The following POLR2I variants were observed in gnomAD, a reference collection of about 807,000 sequenced individuals.
POLR2I encodes DNA-directed RNA polymerase II subunit RPB9.
POLR2I carries 15 observed loss-of-function variants against 23.0 expected under a neutral mutation model. The observed-to-expected ratio is 0.65, with a 90% CI of 0.44 to 1.00. POLR2I has a LOEUF of 1.00. Among genes scored for constraint, POLR2I ranks in the 50% least tolerant of loss-of-function variants. The probability of loss-of-function intolerance (pLI) is 0.00; values close to 1 mark genes in which losing one functional copy is unlikely to be tolerated. For missense variants in POLR2I, 120 were observed against 173.7 expected (o/e 0.69, Z 1.74); for synonymous variants, 72 against 65.4 (o/e 1.10, Z -0.49).
In POLR2I at chr19:36,114,545, G is replaced by T; in HGVS notation, c.114+114C>A. The T allele has an allele frequency of 7.6e-7, 1 of 1,311,944 alleles. No individual in the cohort carries two copies. Among genetic ancestry groups the T allele is most frequent in the Non-Finnish European group, 1.1e-6 (1 of 916,654 alleles). 81.3% of individuals were successfully genotyped at this position (1,311,944 alleles called of 1,614,324 possible). The stretch of plus-strand genomic sequence containing the variant: ...GGGGATGGGCAGGACATGAGAGTCA[G>T]GATCACTTGAGGTGCAGCGGAGGGC... On this transcript the variant is annotated intron_variant, in intron 2 of 5. Coordinates refer to ENST00000221859, the MANE Select transcript of POLR2I (RefSeq NM_006233.5). This position sits in a 1 kb window ranked among gnomAD's most constrained non-coding sequence, Gnocchi z 4.5.
In POLR2I at chr19:36,113,992, TAGAA is replaced by T. The variant is rs1247656822; in HGVS notation, c.315+19_315+22del. 1.9e-6 allele frequency: 3 copies of T among 1,612,006 alleles called. No homozygotes were observed. The highest frequency in any genetic ancestry group is 4.5e-5 in the East Asian group (2 of 44,778). On this transcript the variant is annotated intron_variant, in intron 5 of 5. Transcript: ENST00000221859. ...AAGGACCAAACAAGCCCCAGATACTTAGAAAGCCCTCGCGCCACTTACCTCGGCC... is the reference window on the plus strand; with the variant it reads ...AAGGACCAAACAAGCCCCAGATACTTAGCCCTCGCGCCACTTACCTCGGCC...
At position 36,114,752 on chromosome 19, in the gene POLR2I, C is replaced by A. The variant is rs760368927; in HGVS notation, c.60-39G>T. Reference sequence around the variant, plus strand: ...GAGGTGCCAGGGGTTAGTTCTGGAGCCATTCCTCGCCCGCCTTCTAACATC... The same window carrying A: ...GAGGTGCCAGGGGTTAGTTCTGGAGACATTCCTCGCCCGCCTTCTAACATC... On this transcript the variant is annotated intron_variant, in intron 1 of 5. Coordinates refer to ENST00000221859, the MANE Select transcript of POLR2I (RefSeq NM_006233.5). The surrounding 1 kb of genome is among the most constrained non-coding windows in gnomAD (Gnocchi z 4.5). 6.2e-7 allele frequency: 1 copy of A among 1,613,740 alleles called. No individual in the cohort carries two copies. Among genetic ancestry groups the A allele is most frequent in the African/African-American group, 1.3e-5 (1 of 75,064 alleles).
In POLR2I at chr19:36,114,194, C is replaced by G; in HGVS notation, c.246G>C (p.Glu82Asp). The part of the protein sequence containing the change: ...VSQDPTLPRT[E>D]DHPCQKCGHK... ...ACGCTCACTTTTGGCACGGGTGGTC[C>G]TCGGTCCGCGGCAACGTGGGGTCCT... Residue 82 changes from glutamate (E) to aspartate (D), a missense_variant, in exon 4 of 6, where the codon GAG (glutamate) becomes GAC (aspartate). By Grantham distance (45) the Glu-to-Asp change is conservative. Coordinates refer to ENST00000221859, the MANE Select transcript of POLR2I (RefSeq NM_006233.5). This position sits in a 1 kb window ranked among gnomAD's most constrained non-coding sequence, Gnocchi z 4.5. The G allele has an allele frequency of 6.2e-7, 1 of 1,614,098 alleles. No homozygotes were observed. The highest frequency in any genetic ancestry group is 2.2e-5 in the East Asian group (1 of 44,868).
chr19:36,113,872 CA>C (rs1227795490), intron 5 of POLR2I, 55 bp from the exon 6 acceptor site: 46 of 1,601,020 alleles, frequency 2.9e-5, no homozygotes, highest in Non-Finnish European at 4.3e-6. Context: ...CGCCTTACCC[CA>C]AAAGAACAGG....
intron 5 of POLR2I, 89 bp from the exon 6 acceptor site, chr19:36,113,906 A>G (rs1973890648): frequency 1.3e-6 from 2 of 1,577,682 alleles, no homozygotes; most frequent in Non-Finnish European, 1.7e-6. Flanking sequence ...ACCAATAGGT[A>G]AGGGCCCGGC....
At position 36,113,938 on chromosome 19, in the gene POLR2I, T is replaced by A. The variant is rs1030880649; in HGVS notation, c.315+77A>T. The A allele has an allele frequency of 2.7e-5, 42 of 1,577,464 alleles. No homozygotes were observed. The African/African-American group carries it at 3.6e-4, about 14-fold the overall frequency. ...CGGCAGAGTTCCAAGAAGCGCAGGG[T>A]CACCCACATTGATATCCCCGCCCCC... On this transcript the variant is annotated intron_variant, in intron 5 of 5. Transcript: ENST00000221859.
rs1255206100 is a variant in POLR2I, at chr19:36,114,419, G to A, written c.115-7C>T. 1 of 1,613,304 alleles carries A rather than the reference G, an allele frequency of 6.2e-7. No homozygotes were observed. The highest frequency in any genetic ancestry group is 1.3e-5 in the African/African-American group (1 of 74,930). On this transcript the variant is annotated splice_polypyrimidine_tract_variant and splice_region_variant and intron_variant, in intron 2 of 5. Coordinates refer to ENST00000221859, the MANE Select transcript of POLR2I (RefSeq NM_006233.5). The surrounding 1 kb of genome is among the most constrained non-coding windows in gnomAD (Gnocchi z 4.5). ...GGTAATCACAGTTCCGGCACTACGAGAGGGCGAGTGTGGGGGAAAGGGGGT... is the reference window on the plus strand; with the variant it reads ...GGTAATCACAGTTCCGGCACTACGAAAGGGCGAGTGTGGGGGAAAGGGGGT...
Position 36,114,680 on chromosome 19 carries a change from C to T in POLR2I, c.93G>A (p.Glu31=), listed in dbSNP as rs2231567. 3.3e-3 allele frequency: 5,299 copies of T among 1,610,708 alleles called. 161 individuals are homozygous for T. The African/African-American group carries it at 0.064, about 19-fold the overall frequency. Residue 31 remains glutamate, a synonymous_variant, in exon 2 of 6, where the codon GAG becomes GAA. Transcript: ENST00000221859. The surrounding 1 kb of genome is among the most constrained non-coding windows in gnomAD (Gnocchi z 4.5). ...TCACCGCGTAGAGCAGAATGCGGTTCTCCTTGTCTTCCTTGGGGTACAGCA... is the reference window on the plus strand; with the variant it reads ...TCACCGCGTAGAGCAGAATGCGGTTTTCCTTGTCTTCCTTGGGGTACAGCA... ...NNMLYPKEDK[E]NRILLYACRN...
intron 5 of POLR2I, 69 bp downstream of exon 5, chr19:36,113,946 A>AT: frequency 6.3e-7 from 1 of 1,588,638 alleles, no homozygotes; most frequent in South Asian, 1.1e-5. Flanking sequence ...GGTCACCCAC[A>AT]TTGATATCCC....
chr19:36,114,851 C>T lies in POLR2I; in HGVS notation c.6G>A (p.Glu2=). 1.9e-6 allele frequency: 3 copies of T among 1,613,716 alleles called. No homozygotes were observed. The highest frequency in any genetic ancestry group is 2.5e-6 in the Non-Finnish European group (3 of 1,180,000). The change falls in exon 1 of 6, where the codon GAG becomes GAA. Residue 2 remains glutamate, a synonymous_variant. Transcript: ENST00000221859. The surrounding 1 kb of genome is among the most constrained non-coding windows in gnomAD (Gnocchi z 4.5). The part of the protein sequence containing the change: M[E]PDGTYEPGFV... ...AGCCCGGCTCGTAAGTCCCGTCGGGCTCCATGGCGACGCGCAGCCCGCGCA... is the reference window on the plus strand; with the variant it reads ...AGCCCGGCTCGTAAGTCCCGTCGGGTTCCATGGCGACGCGCAGCCCGCGCA...
At position 36,114,344 on chromosome 19, in the gene POLR2I, T is replaced by C. The variant is rs1367486100; in HGVS notation, c.183A>G (p.Glu61=). Residue 61 remains glutamate, a synonymous_variant, in exon 3 of 6, where the codon GAA becomes GAG. Transcript: ENST00000221859. This position sits in a 1 kb window ranked among gnomAD's most constrained non-coding sequence, Gnocchi z 4.5. ...GCTCAGGGCCCGCCACTCACTCCACTTCGTGCGTGATCTTGTTGACATAGA... is the reference window on the plus strand; with the variant it reads ...GCTCAGGGCCCGCCACTCACTCCACCTCGTGCGTGATCTTGTTGACATAGA... ...SCIYVNKITH[E]VDELTQIIAD... 1.2e-6 allele frequency: 2 copies of C among 1,613,994 alleles called. No homozygotes were observed. The highest frequency in any genetic ancestry group is 1.7e-6 in the Non-Finnish European group (2 of 1,179,924).
rs1424960637 is a variant in POLR2I at position 36,114,292 on chromosome 19, C to A, written c.189-41G>T. The A allele has an allele frequency of 6.2e-7, 1 of 1,612,908 alleles. No homozygotes were observed. Among genetic ancestry groups the A allele is most frequent in the Non-Finnish European group, 8.5e-7 (1 of 1,179,334 alleles). On this transcript the variant is annotated intron_variant, in intron 3 of 5. Transcript: ENST00000221859. This position sits in a 1 kb window ranked among gnomAD's most constrained non-coding sequence, Gnocchi z 4.5. ...GGTGCAAAATTACGCTCAGACCCAG[C>A]CTCCAGAGCCAACACCCCCGCCCCC...
In POLR2I at chr19:36,114,216, T is replaced by C; in HGVS notation, c.224A>G (p.Asp75Gly). 6.2e-7 allele frequency: 1 copy of C among 1,613,696 alleles called. No homozygotes were observed. Among genetic ancestry groups the C allele is most frequent in the Non-Finnish European group, 8.5e-7 (1 of 1,179,944 alleles). The change falls in exon 4 of 6, where the codon GAC (aspartate) becomes GGC (glycine). Residue 75 changes from aspartate to glycine, a missense_variant. By Grantham distance (94) the Asp-to-Gly change is moderately conservative. Transcript: ENST00000221859. This position sits in a 1 kb window ranked among gnomAD's most constrained non-coding sequence, Gnocchi z 4.5. ...LTQIIADVSQ[D>G]PTLPRTEDHP... is the part of the protein sequence containing the mutation. ...GTCCTCGGTCCGCGGCAACGTGGGG[T>C]CCTGGGACACGTCGGCGATAATCTG...
chr19:36,114,807 C>A lies in POLR2I; in HGVS notation c.50G>T (p.Cys17Phe), dbSNP rs1973913376. ...YEPGFVGIRFCQECNNMLYPK... is the reference protein window; with the variant it reads ...YEPGFVGIRFFQECNNMLYPK... ...GCTCCCTCCGCCTCACCATTCCTGG[C>A]AGAAGCGAATACCCACGAAGCCCGG... The change falls in exon 1 of 6, where the codon TGC (cysteine) becomes TTC (phenylalanine). Residue 17 changes from cysteine (C) to phenylalanine (F), a missense_variant. Physicochemically the swap from Cys to Phe is radical, Grantham distance 205. Transcript: ENST00000221859. The surrounding 1 kb of genome is among the most constrained non-coding windows in gnomAD (Gnocchi z 4.5). The A allele has an allele frequency of 6.2e-7, 1 of 1,614,080 alleles. No homozygotes were observed. The highest frequency in any genetic ancestry group is 1.1e-5 in the South Asian group (1 of 91,094).
chr19:36,113,869 C>A, intron 5 of POLR2I, 52 bp from the exon 6 acceptor site: 1 of 1,602,146 alleles, frequency 6.2e-7, no homozygotes, highest in Non-Finnish European at 8.5e-7. Context: ...CAGCGCCTTA[C>A]CCCAAAAGAA....
In POLR2I at chr19:36,114,508, AG is replaced by A; in HGVS notation, c.115-97del. ...GGGTGATCCCGGAGGATATGACGAC[AG>A]GACTCTCTTTGGGGATGGGCAGGAC... On this transcript the variant is annotated intron_variant, in intron 2 of 5. Coordinates refer to ENST00000221859, the MANE Select transcript of POLR2I (RefSeq NM_006233.5). The surrounding 1 kb of genome is among the most constrained non-coding windows in gnomAD (Gnocchi z 4.5). 7.3e-7 allele frequency: 1 copy of A among 1,362,122 alleles called. No individual in the cohort carries two copies. Among genetic ancestry groups the A allele is most frequent in the Non-Finnish European group, 1.0e-6 (1 of 957,462 alleles). 84.4% of individuals were successfully genotyped at this position (1,362,122 alleles called of 1,614,324 possible).
In POLR2I at chr19:36,114,055, T is replaced by C. The variant is rs910529372; in HGVS notation, c.275A>G (p.Lys92Arg). The C allele has an allele frequency of 1.2e-5, 20 of 1,613,904 alleles. No homozygotes were observed. The highest frequency in any genetic ancestry group is 1.5e-5 in the Non-Finnish European group (18 of 1,179,980). Residue 92 changes from lysine to arginine, a missense_variant, in exon 5 of 6, where the codon AAG (lysine) becomes AGG (arginine). By Grantham distance (26) the Lys-to-Arg change is conservative. Transcript: ENST00000221859. This position sits in a 1 kb window ranked among gnomAD's most constrained non-coding sequence, Gnocchi z 4.5. ...GTGTGACTGGAAGAACACAGCCTCC[T>C]TGTGGCCGCACCTGAGAGGGTAGGG... ...EDHPCQKCGH[K>R]EAVFFQSHSA...
rs757252462 is a variant in POLR2I at position 36,113,863 on chromosome 19, G to A, written c.316-46C>T. On this transcript the variant is annotated intron_variant, in intron 5 of 5. Coordinates refer to ENST00000221859, the MANE Select transcript of POLR2I (RefSeq NM_006233.5). ...TTAGGAAGGATTTGGACCCAGCAGC[G>A]CCTTACCCCAAAAGAACAGGCAAGA... 7 of 1,604,198 alleles carry A rather than the reference G, an allele frequency of 4.4e-6. No homozygotes were observed. The African/African-American group carries it at 5.4e-5, about 12-fold the overall frequency.
rs1401938314 is a variant in POLR2I at position 36,114,438 on chromosome 19, A to G, written c.115-26T>C. ...CTACGAGAGGGCGAGTGTGGGGGAA[A>G]GGGGGTCACGGAAGGATTCCAGACA... On this transcript the variant is annotated intron_variant, in intron 2 of 5. Transcript: ENST00000221859. The surrounding 1 kb of genome is among the most constrained non-coding windows in gnomAD (Gnocchi z 4.5). 6.2e-7 allele frequency: 1 copy of G among 1,607,900 alleles called. No homozygotes were observed. The highest frequency in any genetic ancestry group is 8.5e-7 in the Non-Finnish European group (1 of 1,174,638).
Sources: gnomAD v4.1 joint callset for allele counts on GRCh38, gnomAD v4.1.1 for gene constraint, Gnocchi (gnomAD v3.1) non-coding constraint, MANE v1.5 for transcripts, NCBI Gene and HGNC (gene_info 2026-07-23, HGNC 2026-07-21) for gene names.